Variants in BCAS3 observed in about 807,000 individuals in gnomAD.
BCAS3 encodes the protein BCAS4/BCAS3 fusion.
Under a neutral mutation model 116.1 loss-of-function variants are expected in BCAS3, and 53 were observed. The observed-to-expected ratio is 0.46, with a 90% CI of 0.37 to 0.57. The LOEUF (loss-of-function observed/expected upper bound fraction) is 0.57. Among genes scored for constraint, BCAS3 ranks in the 20% least tolerant of loss-of-function variants. The probability of loss-of-function intolerance (pLI) is 0.00; values close to 1 mark genes in which losing one functional copy is unlikely to be tolerated. For missense variants in BCAS3, 917 were observed against 1,165.4 expected, an observed-to-expected ratio of 0.79 and a Z score of 3.10; for synonymous variants, 391 against 408.2, an observed-to-expected ratio of 0.96 and a Z score of 0.51.
rs982643456 is a variant in BCAS3 at position 61,337,533 on chromosome 17, T to G, written c.2426-30794T>G. 6.6e-6 allele frequency among the ~76,000 whole-genome samples: 1 copy of G among 152,192 alleles called. No individual in the cohort carries two copies. Among genetic ancestry groups the G allele is most frequent in the Non-Finnish European group, 1.5e-5 (1 of 68,018 alleles). ...AACAAAATGCTCCCAGGGATCCTCC[T>G]GCCAAGATCCTGCCAGGCTTCCCTC... On this transcript the variant is annotated intron_variant, in intron 22 of 23. Coordinates refer to ENST00000407086, the MANE Select transcript of BCAS3 (RefSeq NM_017679.5). This position sits in a 1 kb window ranked among gnomAD's most constrained non-coding sequence, Gnocchi z 4.8.
Position 61,095,361 on chromosome 17 carries a change from G to C in BCAS3, c.2425+10797G>C, listed in dbSNP as rs1331660527. ...ATGTAATTGATATTTCTACATAGAG[G>C]CTTTATCATTGTTTTTAAATTAGCT... On this transcript the variant is annotated intron_variant, in intron 22 of 23. Transcript: ENST00000407086. The surrounding 1 kb of genome is among the most constrained non-coding windows in gnomAD (Gnocchi z 4.7). 6.6e-6 allele frequency among the ~76,000 whole-genome samples: 1 copy of C among 152,082 alleles called. No individual in the cohort carries two copies. The highest frequency in any genetic ancestry group is 2.4e-5 in the African/African-American group (1 of 41,398).
intron 22 of BCAS3, among the ~76,000 whole-genome samples, chr17:61,153,269 G>T (rs1352668282): frequency 1.3e-5 from 2 of 152,172 alleles, no homozygotes; most frequent in Non-Finnish European, 2.9e-5. Context: ...TTGTCCTTCA[G>T]TGTGGTAATT....
chr17:61,172,388 C>T (rs967675489), intron 22 of BCAS3, among the ~76,000 whole-genome samples: 1 of 152,234 alleles, frequency 6.6e-6, no homozygotes, highest in African/African-American at 2.4e-5. Flanking sequence ...AATCCCAGCA[C>T]TTTGGGAGGC....
rs562868359 is a variant in BCAS3 at position 61,255,304 on chromosome 17, CT to C, written c.2426-113022del. On this transcript the variant is annotated intron_variant, in intron 22 of 23. Coordinates refer to ENST00000407086, the MANE Select transcript of BCAS3 (RefSeq NM_017679.5). ...AAAGATCTCAAGCATAACTCCTCAT[CT>C]CCAGGTCACCCGACAAGGTAAGAAG... is the stretch of plus-strand genomic sequence containing the variant. Among the ~76,000 whole-genome samples the C allele has an allele frequency of 1.3e-3, 205 of 152,354 alleles. 2 individuals carry two copies. Among genetic ancestry groups the C allele is most frequent in the Admixed American group, 3.1e-3 (47 of 15,298 alleles).
rs776248142 is a variant in BCAS3, at chr17:61,391,994, A to G, written c.2611A>G (p.Ser871Gly). The change falls in exon 24 of 24, where the codon AGC becomes GGC. Residue 871 changes from serine to glycine, a missense_variant. This residue lies in a region of BCAS3 where 109 missense variants were observed against 122.8 expected (regional missense o/e 0.89). Transcript: ENST00000407086. The surrounding 1 kb of genome is among the most constrained non-coding windows in gnomAD (Gnocchi z 7.7). ...GSGTELQREG[S>G]IETLSNSSGS... Reference sequence around the variant, plus strand: ...TCTTGCAGAACTTCAGCGAGAGGGAAGCATCGAGACTCTGAGTAACAGCTC... The same window carrying G: ...TCTTGCAGAACTTCAGCGAGAGGGAGGCATCGAGACTCTGAGTAACAGCTC... 3.1e-6 allele frequency: 5 copies of G among 1,613,772 alleles called. No homozygotes were observed. The South Asian group carries it at 5.5e-5, about 18-fold the overall frequency.
intron 22 of BCAS3, among the ~76,000 whole-genome samples, chr17:61,280,018 T>C (rs959033460): frequency 5.3e-5 from 8 of 152,312 alleles, no homozygotes; most frequent in African/African-American, 1.7e-4. Flanking sequence ...ATTTATCTCT[T>C]GGGTAATTTT....
intron 19 of BCAS3, chr17:61,070,076 A>T: frequency 6.3e-7 from 1 of 1,583,980 alleles, no homozygotes; most frequent in Non-Finnish European, 8.6e-7. Context: ...CCCAGGAGAA[A>T]CAAGCTTGAC....
intron 13 of BCAS3, among the ~76,000 whole-genome samples, chr17:60,942,558 T>G (rs2060281570): frequency 6.6e-6 from 1 of 152,190 alleles, no homozygotes; most frequent in Non-Finnish European, 1.5e-5. Context: ...TTATATATAT[T>G]GTTGTAGGTT....
intron 14 of BCAS3, among the ~76,000 whole-genome samples, chr17:60,951,864 G>A (rs750921740): frequency 6.7e-6 from 1 of 148,606 alleles, no homozygotes; most frequent in Non-Finnish European, 1.5e-5. Flanking sequence ...CTGTCCTCCC[G>A]GGTTCAAACA....
rs556047999 is a variant in BCAS3, at chr17:61,333,611, C to G, written c.2426-34716C>G. ...CTAGAGCTTTATCAAGTTCTTGAAA[C>G]TTTCTTTTTTTTTCTTTTTTTTTTT... On this transcript the variant is annotated intron_variant, in intron 22 of 23. Transcript: ENST00000407086. This position sits in a 1 kb window ranked among gnomAD's most constrained non-coding sequence, Gnocchi z 4.8. Among the ~76,000 whole-genome samples the G allele has an allele frequency of 5.3e-4, 79 of 150,254 alleles. No homozygotes were observed. The highest frequency in any genetic ancestry group is 2.0e-3 in the African/African-American group (79 of 40,022).
rs138734095 is a variant in BCAS3 at position 61,231,242 on chromosome 17, G to C, written c.2426-137085G>C. 4.2e-3 allele frequency among the ~76,000 whole-genome samples: 641 copies of C among 152,186 alleles called. 5 individuals are homozygous for C. The highest frequency in any genetic ancestry group is 0.015 in the African/African-American group (611 of 41,544). ...TTGCTTGTAGGTCTTGTTTTGAGAA[G>C]TGTCTATTCATGTCCTTTGCCCATT... On this transcript the variant is annotated intron_variant, in intron 22 of 23. Coordinates refer to ENST00000407086, the MANE Select transcript of BCAS3 (RefSeq NM_017679.5).
intron 22 of BCAS3, among the ~76,000 whole-genome samples, chr17:61,165,600 T>A (rs1157787817): frequency 6.6e-6 from 1 of 152,088 alleles, no homozygotes; most frequent in Non-Finnish European, 1.5e-5. Flanking sequence ...GCAGGAGAAT[T>A]GCTTCAACCT....
At chr17:60,976,979 G>A (rs934997115) in intron 14 of BCAS3, among the ~76,000 whole-genome samples, 6 of 152,162 alleles carry the variant, frequency 3.9e-5, no homozygotes, top group African/African-American at 7.2e-5. Flanking sequence ...GGTGGTGGCC[G>A]GACAGAGGGG....
rs1386433652 is a variant in BCAS3 at position 61,156,096 on chromosome 17, A to G, written c.2425+71532A>G. Among the ~76,000 whole-genome samples, 1 of 152,058 alleles carries G rather than the reference A, an allele frequency of 6.6e-6. No homozygotes were observed. The highest frequency in any genetic ancestry group is 1.5e-5 in the Non-Finnish European group (1 of 68,028). ...GAAAAGCATTTGCTGAGATTCACCT[A>G]TCAGCAAATAATTTACTCGGTATGC... On this transcript the variant is annotated intron_variant, in intron 22 of 23. Transcript: ENST00000407086. The surrounding 1 kb of genome is among the most constrained non-coding windows in gnomAD (Gnocchi z 4.7).
At chr17:61,046,686 T>G (rs937459860) in intron 19 of BCAS3, among the ~76,000 whole-genome samples, 2 of 151,884 alleles carry the variant, frequency 1.3e-5, no homozygotes, top group Non-Finnish European at 2.9e-5. Context: ...CAGCCTGTGG[T>G]TGGTTGAACC....
At chr17:60,815,548 A>G (rs2049301459) in intron 7 of BCAS3, among the ~76,000 whole-genome samples, 1 of 152,244 alleles carries the variant, frequency 6.6e-6, no homozygotes, top group South Asian at 2.1e-4. Context: ...TTTTTAAATA[A>G]AGTAACAAAA....
rs1186509111 is a variant in BCAS3 at position 61,034,079 on chromosome 17, T to A, written c.1638-587T>A. Among the ~76,000 whole-genome samples, 1 of 152,228 alleles carries A rather than the reference T, an allele frequency of 6.6e-6. No individual in the cohort carries two copies. The highest frequency in any genetic ancestry group is 2.4e-5 in the African/African-American group (1 of 41,478). Reference sequence around the variant, plus strand: ...GAGACAACAGGAAGATCAGTGAATATAATTGCATTAGATGATTAGCTATTC... The same window carrying A: ...GAGACAACAGGAAGATCAGTGAATAAAATTGCATTAGATGATTAGCTATTC... On this transcript the variant is annotated intron_variant, in intron 16 of 23. Coordinates refer to ENST00000407086, the MANE Select transcript of BCAS3 (RefSeq NM_017679.5). This position sits in a 1 kb window ranked among gnomAD's most constrained non-coding sequence, Gnocchi z 5.0.
At chr17:60,971,759 C>T (rs748905096) in intron 14 of BCAS3, among the ~76,000 whole-genome samples, 1 of 152,206 alleles carries the variant, frequency 6.6e-6, no homozygotes, top group Admixed American at 6.5e-5. Context: ...CTGGAATATA[C>T]CATTTCCATT....
At position 60,844,221 on chromosome 17, in the gene BCAS3, C is replaced by T. The variant is rs995069304; in HGVS notation, c.477-24355C>T. ...CTGACCTCAGCTGATCTGCCCGTCT[C>T]GGCCTCCCAAAATGCTGGGATTACA... is the stretch of plus-strand genomic sequence containing the variant. On this transcript the variant is annotated intron_variant, in intron 7 of 23. Coordinates refer to ENST00000407086, the MANE Select transcript of BCAS3 (RefSeq NM_017679.5). 9.9e-5 allele frequency among the ~76,000 whole-genome samples: 15 copies of T among 152,280 alleles called. No individual in the cohort carries two copies. The East Asian group carries it at 2.5e-3, about 25-fold the overall frequency.
Sources: allele counts gnomAD v4.1 joint callset (sites outside exome capture counted in the v4.1 genomes callset), GRCh38; gene constraint gnomAD v4.1.1; regional missense constraint gnomAD v4.1.1; non-coding constraint Gnocchi (gnomAD v3.1); transcripts MANE v1.5; gene names NCBI Gene and HGNC (gene_info 2026-07-23, HGNC 2026-07-21).